SPATA7: variants seen among roughly 807,000 people sequenced by gnomAD.
The protein encoded by SPATA7 is spermatogenesis-associated protein 7.
In SPATA7, 43 loss-of-function variants were observed where a neutral mutation model predicts 51.8. That is an observed-to-expected ratio of 0.83 (90% CI 0.65 to 1.07). The LOEUF (loss-of-function observed/expected upper bound fraction) is 1.07. Among genes scored for constraint, SPATA7 ranks in the 50% least tolerant of loss-of-function variants. The pLI, the probability that SPATA7 is intolerant of heterozygous loss-of-function variation, is 0.00. For synonymous variants in SPATA7, 230 were observed against 252.8 expected (o/e 0.91, Z 0.86); for missense variants, 683 against 701.3 (o/e 0.97, Z 0.30).
At chr14:88,392,984 A>G (rs748420751) in intron 2 of SPATA7, among the ~76,000 whole-genome samples, 1 of 152,082 alleles carries the variant, frequency 6.6e-6, no homozygotes, top group Non-Finnish European at 1.5e-5. Context: ...TAATTTTTGT[A>G]TGTAGGGTTT....
chr14:88,454,446 A>G (rs1037658740), intron 3 of SPATA7, among the ~76,000 whole-genome samples: 6 of 152,210 alleles, frequency 3.9e-5, no homozygotes, highest in African/African-American at 1.4e-4. Flanking sequence ...GGATTAGGAT[A>G]TGGACATATC....
At chr14:88,452,445 G>A (rs936235320) in intron 3 of SPATA7, among the ~76,000 whole-genome samples, 1 of 152,182 alleles carries the variant, frequency 6.6e-6, no homozygotes, top group Admixed American at 6.5e-5. Context: ...ATCAGCTGTG[G>A]TATTATAGGG....
At chr14:88,466,079 G>C (rs956439767) in intron 4 of SPATA7, 1 of 151,936 alleles carries the variant, frequency 6.6e-6, no homozygotes, top group Non-Finnish European at 1.5e-5. Flanking sequence ...GGAGAGGGAG[G>C]GGGAGGGGAA....
chr14:88,390,874 A>G (rs1320572690), intron 1 of SPATA7, among the ~76,000 whole-genome samples: 1 of 152,146 alleles, frequency 6.6e-6, no homozygotes, highest in African/African-American at 2.4e-5. Flanking sequence ...TTCAGATGGC[A>G]TCACCTTGAC....
downstream of SPATA7, among the ~76,000 whole-genome samples, chr14:88,443,120 T>C (rs778989508): frequency 4.6e-5 from 7 of 152,016 alleles, no homozygotes; most frequent in Non-Finnish European, 1.0e-4. Context: ...AATTTTTGTA[T>C]TTTTAGTAGA....
In SPATA7 at chr14:88,469,159, T is replaced by C; in HGVS notation, c.255-688T>C. On this transcript the variant is annotated intron_variant, in intron 4 of 4. Coordinates refer to the SPATA7 transcript ENST00000556406. The surrounding 1 kb of genome is among the most constrained non-coding windows in gnomAD (Gnocchi z 4.3). ...GACTCAATCTTCATATTCTCTCCACTGATTAAGAGGACTGCAGATAAAGAG... is the reference window on the plus strand; with the variant it reads ...GACTCAATCTTCATATTCTCTCCACCGATTAAGAGGACTGCAGATAAAGAG... 7.7e-6 allele frequency: 11 copies of C among 1,426,766 alleles called. No homozygotes were observed. Among genetic ancestry groups the C allele is most frequent in the Non-Finnish European group, 1.0e-5 (11 of 1,049,916 alleles). 88.4% of individuals were successfully genotyped at this position (1,426,766 alleles called of 1,614,324 possible).
At chr14:88,446,374 T>C (rs1014351210) in intron 3 of SPATA7, among the ~76,000 whole-genome samples, 2 of 152,214 alleles carry the variant, frequency 1.3e-5, no homozygotes, top group Admixed American at 1.3e-4. Flanking sequence ...TCTTCTCTCT[T>C]TTTTTGTTTA....
At chr14:88,448,932 G>C (rs1333924439) in intron 3 of SPATA7, among the ~76,000 whole-genome samples, 1 of 152,112 alleles carries the variant, frequency 6.6e-6, no homozygotes, top group African/African-American at 2.4e-5. Flanking sequence ...ATTTCTAATT[G>C]AGTTTCTTTG....
downstream of SPATA7, among the ~76,000 whole-genome samples, chr14:88,457,485 C>T (rs563427392): frequency 6.6e-6 from 1 of 151,166 alleles, no homozygotes; most frequent in African/African-American, 2.5e-5. Context: ...CTCTTTGAAG[C>T]AACTGTGAAT....
intron 4 of SPATA7, among the ~76,000 whole-genome samples, 173 bp downstream of exon 4, chr14:88,396,376 G>A (rs2075880083): frequency 6.6e-6 from 1 of 152,114 alleles, no homozygotes; most frequent in Non-Finnish European, 1.5e-5. Context: ...CTGCAAAACT[G>A]AAATTCCTGT....
intron 1 of SPATA7, among the ~76,000 whole-genome samples, chr14:88,387,172 A>G (rs969408056): frequency 6.6e-6 from 1 of 152,238 alleles, no homozygotes; most frequent in African/African-American, 2.4e-5. Context: ...TCTGAAGCCA[A>G]TGCATTTACT....
At chr14:88,391,983 C>G (rs1396440595) in intron 2 of SPATA7, among the ~76,000 whole-genome samples, 2 of 152,102 alleles carry the variant, frequency 1.3e-5, no homozygotes, top group African/African-American at 4.8e-5. Context: ...AAGTATAAGT[C>G]TATGTCCTTA....
downstream of SPATA7, among the ~76,000 whole-genome samples, chr14:88,458,107 T>A (rs2077295769): frequency 6.6e-6 from 1 of 152,174 alleles, no homozygotes; most frequent in Admixed American, 6.5e-5. Context: ...AGCTTTTTGA[T>A]GTGCTGCTGG....
chr14:88,396,048 A>G (rs988452014), intron 3 of SPATA7, 108 bp from the exon 4 acceptor site: 12 of 838,736 alleles, frequency 1.4e-5, no homozygotes, highest in Non-Finnish European at 2.2e-5. Context: ...CATCGCTAGA[A>G]GTATGATAAA....
chr14:88,385,701 T>C lies in SPATA7; in HGVS notation c.-118T>C. 1.0e-6 allele frequency: 1 copy of C among 1,004,242 alleles called. No homozygotes were observed. The highest frequency in any genetic ancestry group is 1.5e-6 in the Non-Finnish European group (1 of 651,042). 62.2% of individuals were successfully genotyped at this position (1,004,242 alleles called of 1,614,324 possible). On this transcript the variant is annotated 5_prime_UTR_variant, in exon 1 of 12. Coordinates refer to ENST00000393545, the MANE Select transcript of SPATA7 (RefSeq NM_018418.5). The stretch of plus-strand genomic sequence containing the variant: ...AACGGCCTGGCAACGGTTTCCCTGC[T>C]GCTGCAGCCCCCGTCGGCTCCTCTT...
intron 8 of SPATA7, among the ~76,000 whole-genome samples, chr14:88,430,313 G>A (rs1462458313): frequency 3.3e-5 from 5 of 152,034 alleles, no homozygotes; most frequent in Admixed American, 2.6e-4. Flanking sequence ...TAACTACCCT[G>A]TCTTTGAAAT....
chr14:88,443,249 T>C (rs766250144), downstream of SPATA7, among the ~76,000 whole-genome samples: 1 of 152,182 alleles, frequency 6.6e-6, no homozygotes, highest in African/African-American at 2.4e-5. Flanking sequence ...AGCCTATTTT[T>C]GTTGGTAATT....
intron 1 of SPATA7, among the ~76,000 whole-genome samples, chr14:88,389,481 AAGCACGAGCCATTGTGCTC>A (rs1227578637): frequency 6.6e-6 from 1 of 152,170 alleles, no homozygotes; most frequent in Non-Finnish European, 1.5e-5. Context: ...CTGGGATTAC[AAGCACGAGCCATTGTGCTC>A]AGCCCTAATT....
Position 88,449,253 on chromosome 14 carries a change from G to T in SPATA7, c.178-5807G>T, listed in dbSNP as rs138013136. ...GTCTTTGCTGTATTCCAGAGGTTCAGATATTTTGATAGTTTGTGTCACTAC... is the reference window on the plus strand; with the variant it reads ...GTCTTTGCTGTATTCCAGAGGTTCATATATTTTGATAGTTTGTGTCACTAC... On this transcript the variant is annotated intron_variant, in intron 3 of 3. Transcript: ENST00000554802. 8.2e-3 allele frequency among the ~76,000 whole-genome samples: 1,250 copies of T among 152,224 alleles called. 8 individuals are homozygous for T. Among genetic ancestry groups the T allele is most frequent in the Non-Finnish European group, 0.013 (891 of 68,014 alleles).
Sources: gnomAD v4.1 joint callset for allele counts (sites outside exome capture counted in the v4.1 genomes callset) on GRCh38, gnomAD v4.1.1 for gene constraint, Gnocchi (gnomAD v3.1) non-coding constraint, MANE v1.5 for transcripts, NCBI Gene and HGNC (gene_info 2026-07-23, HGNC 2026-07-21) for gene names.